ALPK1: variants seen among roughly 807,000 people sequenced by gnomAD.
ALPK1 encodes the protein alpha kinase 1, also known as alpha-protein kinase 1.
Under a neutral mutation model 120.6 loss-of-function variants are expected in ALPK1, and 110 were observed. The ratio of observed to expected loss-of-function variants is 0.91; its 90% confidence interval spans 0.78 to 1.07. The LOEUF (loss-of-function observed/expected upper bound fraction) is 1.07. ALPK1 is among the 50% of genes least tolerant of loss of function. The probability of loss-of-function intolerance (pLI) is 0.00; values close to 1 mark genes in which losing one functional copy is unlikely to be tolerated. For synonymous variants in ALPK1, 582 were observed against 560.3 expected, an observed-to-expected ratio of 1.04 and a Z score of -0.55; for missense variants, 1,498 against 1,483.9, an observed-to-expected ratio of 1.01 and a Z score of -0.16.
chr4:112,355,119 G>A (rs1730542628), intron 2 of ALPK1, among the ~76,000 whole-genome samples: 1 of 152,072 alleles, frequency 6.6e-6, no homozygotes, highest in Non-Finnish European at 1.5e-5. Flanking sequence ...GCACATGTTA[G>A]AATTATTCTC....
chr4:112,338,256 G>A (rs747943724), intron 2 of ALPK1, among the ~76,000 whole-genome samples: 13 of 152,180 alleles, frequency 8.5e-5, no homozygotes, highest in Non-Finnish European at 1.8e-4. Flanking sequence ...GTGAGCCACC[G>A]CGCCCGGCCG....
chr4:112,432,251 A>G lies in ALPK1; in HGVS notation c.2704A>G (p.Ser902Gly), dbSNP rs751868470. ...CGGTAACATCCTCTTCCCTGTCCTC[A>G]GCGAGGACTGCACTACCACAGAGGA... is the stretch of plus-strand genomic sequence containing the variant. Reference protein sequence around the residue: ...VSGNILFPVLSEDCTTTEEGN... With the variant: ...VSGNILFPVLGEDCTTTEEGN... The change falls in exon 11 of 16, where the codon AGC becomes GGC. Residue 902 changes from serine to glycine, a missense_variant. Physicochemically the swap from Ser to Gly is moderately conservative, Grantham distance 56. Transcript: ENST00000650871. 6.2e-7 allele frequency: 1 copy of G among 1,614,202 alleles called. No homozygotes were observed. The highest frequency in any genetic ancestry group is 1.3e-5 in the African/African-American group (1 of 75,048).
In ALPK1 at chr4:112,432,529, G is replaced by T; in HGVS notation, c.2982G>T (p.Gln994His). The change falls in exon 11 of 16, where the codon CAG becomes CAT. Residue 994 changes from glutamine to histidine, a missense_variant. Physicochemically the swap from Gln to His is conservative, Grantham distance 24. Coordinates refer to ENST00000650871, the MANE Select transcript of ALPK1 (RefSeq NM_025144.4). ...GAGTGAGGCATGATTGGCTGTTTCA[G>T]AGACTAGAGAATACGGGGGTTTTTA... is the stretch of plus-strand genomic sequence containing the variant. ...LAGVRHDWLF[Q>H]RLENTGVFKP... is the part of the protein sequence containing the mutation. 1 of 1,614,124 alleles carries T rather than the reference G, an allele frequency of 6.2e-7. No individual in the cohort carries two copies. Among genetic ancestry groups the T allele is most frequent in the Non-Finnish European group, 8.5e-7 (1 of 1,180,032 alleles).
intron 14 of ALPK1, 53 bp from the exon 15 acceptor site, chr4:112,440,864 T>G (rs1005652593): frequency 9.1e-5 from 140 of 1,540,568 alleles, no homozygotes; most frequent in Non-Finnish European, 1.2e-4. Flanking sequence ...TGTAAACACT[T>G]GATGGACATT....
At chr4:112,412,440 T>G (rs550991089) in intron 5 of ALPK1, 1 of 460,248 alleles carries the variant, frequency 2.2e-6, no homozygotes, top group Non-Finnish European at 4.4e-6. Flanking sequence ...AAGCTGACAA[T>G]AGAGCTGACA....
intron 4 of ALPK1, among the ~76,000 whole-genome samples, chr4:112,398,207 T>C (rs901917266): frequency 4.6e-5 from 7 of 152,180 alleles, no homozygotes; most frequent in African/African-American, 1.4e-4. Flanking sequence ...TGAGAAGTGA[T>C]ACAAATAAGA....
intron 2 of ALPK1, among the ~76,000 whole-genome samples, chr4:112,330,021 C>A (rs4834261): frequency 0.46 from 69,567 of 152,040 alleles, 16,343 homozygotes; most frequent in East Asian, 0.72. Flanking sequence ...TAAAATGTAC[C>A]AAAATCCAAT....
chr4:112,432,619 G>A (rs1422465132), intron 11 of ALPK1, 38 bp downstream of exon 11: 2 of 1,578,046 alleles, frequency 1.3e-6, no homozygotes, highest in Non-Finnish European at 1.7e-6. Flanking sequence ...CCCTCAGGAA[G>A]CAGCTGTGTT....
chr4:112,298,172 G>A (rs1313561423), intron 1 of ALPK1, among the ~76,000 whole-genome samples: 1 of 152,106 alleles, frequency 6.6e-6, no homozygotes, highest in African/African-American at 2.4e-5. Flanking sequence ...TTTGAGGATG[G>A]GTGAGGGTAC....
In ALPK1 at chr4:112,438,685, T is replaced by A. The variant is rs541055020; in HGVS notation, c.3351+39T>A. The A allele has an allele frequency of 1.9e-6, 3 of 1,594,372 alleles. No homozygotes were observed. The Admixed American group carries it at 5.1e-5, about 27-fold the overall frequency. On this transcript the variant is annotated intron_variant, in intron 13 of 15. Coordinates refer to ENST00000650871, the MANE Select transcript of ALPK1 (RefSeq NM_025144.4). ...GAACACATCATTTGGATCTTCCAAA[T>A]CACACTTGAATATCAATTAATCTGA...
chr4:112,315,608 G>A (rs1728601163), intron 1 of ALPK1, among the ~76,000 whole-genome samples, 193 bp from the exon 2 acceptor site: 2 of 152,184 alleles, frequency 1.3e-5, no homozygotes, highest in Admixed American at 6.5e-5. Context: ...TATATCTAAA[G>A]TGATGAACAG....
intron 3 of ALPK1, among the ~76,000 whole-genome samples, chr4:112,380,117 G>A (rs923635388): frequency 1.3e-5 from 2 of 152,196 alleles, no homozygotes; most frequent in Non-Finnish European, 2.9e-5. Context: ...TTCTGAGAGT[G>A]AAAAGGAGCA....
chr4:112,355,986 G>A (rs774478273), intron 2 of ALPK1: 38 of 620,388 alleles, frequency 6.1e-5, no homozygotes, highest in Non-Finnish European at 9.7e-5. Flanking sequence ...AGGGATTCTA[G>A]AAGAGAACAG....
At chr4:112,305,807 A>G (rs770852077) in intron 1 of ALPK1, among the ~76,000 whole-genome samples, 25 of 151,952 alleles carry the variant, frequency 1.6e-4, no homozygotes, top group Non-Finnish European at 1.9e-4. Context: ...TGGTGAGAGA[A>G]GGCATCCCTG....
intron 4 of ALPK1, among the ~76,000 whole-genome samples, chr4:112,400,171 T>A (rs1215148230): frequency 6.6e-6 from 1 of 152,126 alleles, no homozygotes; most frequent in Non-Finnish European, 1.5e-5. Context: ...GTTCTTAAGG[T>A]GGATGCTATT....
At chr4:112,432,697 CT>C (rs1193806155) in intron 11 of ALPK1, 116 bp downstream of exon 11, 3 of 942,994 alleles carry the variant, frequency 3.2e-6, no homozygotes, top group Non-Finnish European at 4.7e-6. Context: ...CCCTGGTATG[CT>C]TTGTGAGTTC....
At chr4:112,397,518 G>A (rs183704034) in intron 4 of ALPK1, among the ~76,000 whole-genome samples, 13 of 152,232 alleles carry the variant, frequency 8.5e-5, no homozygotes, top group East Asian at 1.9e-4. Flanking sequence ...ATGTGAAATC[G>A]AGACCTCTAC....
intron 2 of ALPK1, among the ~76,000 whole-genome samples, chr4:112,350,066 G>A (rs1184167495): frequency 6.6e-6 from 1 of 152,152 alleles, no homozygotes; most frequent in Admixed American, 6.5e-5. Flanking sequence ...CAAAGTGCAT[G>A]TGCTTAACTT....
chr4:112,386,615 G>C (rs1247928970), intron 4 of ALPK1, among the ~76,000 whole-genome samples: 1 of 152,026 alleles, frequency 6.6e-6, no homozygotes, highest in African/African-American at 2.4e-5. Context: ...CAAGTCCATG[G>C]GTTACCATCA....
Sources: gnomAD v4.1 joint callset for allele counts (sites outside exome capture counted in the v4.1 genomes callset) on GRCh38, gnomAD v4.1.1 for gene constraint, MANE v1.5 for transcripts, NCBI Gene and HGNC (gene_info 2026-07-23, HGNC 2026-07-21) for gene names.